NUP160: variants seen among roughly 807,000 people sequenced by gnomAD.
NUP160 encodes nucleoporin 160, also known as nuclear pore complex protein Nup160.
A neutral mutation model predicts 196.9 loss-of-function variants in NUP160; 94 were observed. The observed-to-expected ratio is 0.48, with a 90% CI of 0.40 to 0.57. The LOEUF is 0.57. Ranked by LOEUF, NUP160 falls within the 20% of genes least tolerant of loss-of-function variation. The probability of loss-of-function intolerance (pLI) is 0.00; values close to 1 mark genes in which losing one functional copy is unlikely to be tolerated. For missense variants in NUP160, 1,638 were observed against 1,748.3 expected (o/e 0.94, Z 1.13); for synonymous variants, 605 against 619.7 (o/e 0.98, Z 0.35).
At chr11:47,783,571 A>G (rs896408162) in intron 33 of NUP160, among the ~76,000 whole-genome samples, 4 of 152,206 alleles carry the variant, frequency 2.6e-5, no homozygotes, top group African/African-American at 9.7e-5. Context: ...ATAATAAGAA[A>G]TATATGAATG....
At chr11:47,780,475 A>G in intron 34 of NUP160, 28 bp from the exon 35 acceptor site, 2 of 1,432,362 alleles carry the variant, frequency 1.4e-6, no homozygotes, top group Admixed American at 1.7e-5. Flanking sequence ...ATTTGAAAAC[A>G]GTCTGCAAAG....
chr11:47,813,186 T>A, intron 14 of NUP160, 130 bp downstream of exon 14: 3 of 969,560 alleles, frequency 3.1e-6, no homozygotes, highest in Non-Finnish European at 4.7e-6. Context: ...TAAGTGTTCA[T>A]TAAAATATTT....
intron 27 of NUP160, among the ~76,000 whole-genome samples, chr11:47,796,782 T>C (rs978982607): frequency 6.6e-6 from 1 of 152,180 alleles, no homozygotes; most frequent in Non-Finnish European, 1.5e-5. Context: ...AGTGACATGA[T>C]TTTGGCTCAC....
chr11:47,783,440 T>C (rs1293572225), intron 33 of NUP160, among the ~76,000 whole-genome samples: 1 of 152,204 alleles, frequency 6.6e-6, no homozygotes, highest in Non-Finnish European at 1.5e-5. Context: ...CCCTTATCTG[T>C]TAAATAGCCT....
rs747526164 is a variant in NUP160, at chr11:47,824,048, TATATAC to T, written c.1102-1890_1102-1885del. Among the ~76,000 whole-genome samples the T allele has an allele frequency of 9.1e-3, 922 of 100,980 alleles. 13 individuals are homozygous for T. The highest frequency in any genetic ancestry group is 0.018 in the African/African-American group (456 of 25,200). The allele number at this position is 100,980 out of a possible 152,430, so 66.2% of individuals were successfully genotyped here. On this transcript the variant is annotated intron_variant, in intron 7 of 35. Coordinates refer to ENST00000378460, the Ensembl canonical transcript of NUP160. ...ATATATATATATATATATATATATA[TATATAC>T]ACACACACATAGAAGTGGAATTTCT... is the stretch of plus-strand genomic sequence containing the variant.
intron 32 of NUP160, 84 bp downstream of exon 32, chr11:47,786,369 C>T: frequency 1.3e-6 from 1 of 772,014 alleles, no homozygotes; most frequent in African/African-American, 1.7e-5. Flanking sequence ...GTGAAATGAT[C>T]TATGTAGGAC....
At chr11:47,809,384 G>A (rs2135371990) in intron 17 of NUP160, among the ~76,000 whole-genome samples, 1 of 151,562 alleles carries the variant, frequency 6.6e-6, no homozygotes, top group Admixed American at 6.6e-5. Flanking sequence ...ACTACCAAAA[G>A]CCTTAAAATG....
intron 2 of NUP160, chr11:47,841,717 GGTCTCACTCT>G (rs1345378664): frequency 3.8e-6 from 1 of 260,982 alleles, no homozygotes; most frequent in Non-Finnish European, 7.6e-6. Context: ...TTTGAGACAG[GGTCTCACTCT>G]GTCAGGCTGG....
At chr11:47,848,499 A>T (rs1852454719), upstream of NUP160, 1 of 1,164,686 alleles carries the variant, frequency 8.6e-7, no homozygotes, top group Non-Finnish European at 1.2e-6. Context: ...CGAGGAATCC[A>T]GAAGAGAAGG....
chr11:47,826,356 G>C (rs1314114237), intron 7 of NUP160, among the ~76,000 whole-genome samples: 2 of 152,138 alleles, frequency 1.3e-5, no homozygotes. Flanking sequence ...TTACATAGCT[G>C]TCAAAAAAGT....
chr11:47,804,552 C>A, exon 21 of NUP160: 1 of 1,532,876 alleles, frequency 6.5e-7, no homozygotes, highest in South Asian at 1.3e-5. Flanking sequence ...AACTCACCTG[C>A]AATTGTACAT....
At chr11:47,810,966 G>A (rs1384274347) in intron 17 of NUP160, among the ~76,000 whole-genome samples, 2 of 152,152 alleles carry the variant, frequency 1.3e-5, no homozygotes, top group African/African-American at 4.8e-5. Flanking sequence ...GGTTTAATTA[G>A]ATTCCTTCTT....
intron 23 of NUP160, 142 bp downstream of exon 23, chr11:47,801,669 A>T: frequency 1.3e-6 from 1 of 791,032 alleles, no homozygotes; most frequent in Non-Finnish European, 2.0e-6. Context: ...TAATTTCTCT[A>T]GGCAAATTCA....
intron 7 of NUP160, among the ~76,000 whole-genome samples, chr11:47,833,223 G>A (rs1260348983): frequency 1.3e-5 from 2 of 152,166 alleles, no homozygotes; most frequent in East Asian, 3.8e-4. Flanking sequence ...GGAGGCTGAG[G>A]CGGGTGGATC....
At chr11:47,788,817 G>A (rs138419874) in intron 29 of NUP160, among the ~76,000 whole-genome samples, 1 of 151,624 alleles carries the variant, frequency 6.6e-6, no homozygotes, top group Admixed American at 6.6e-5. Flanking sequence ...TATTTTAACC[G>A]ACTGCAGTTG....
chr11:47,779,236 A>G (rs1197422000), intron 35 of NUP160, 42 bp from the exon 36 acceptor site: 1 of 1,281,954 alleles, frequency 7.8e-7, no homozygotes. Flanking sequence ...ACAGCTCAAC[A>G]ATGGAAAAAT....
chr11:47,808,409 G>A (rs370248184), exon 18 of NUP160: 1 of 1,612,604 alleles, frequency 6.2e-7, no homozygotes, highest in African/African-American at 1.3e-5. Flanking sequence ...GTGTCAAGTG[G>A]AACATCAGTT....
At chr11:47,830,502 A>G (rs1286277688) in intron 7 of NUP160, among the ~76,000 whole-genome samples, 1 of 152,248 alleles carries the variant, frequency 6.6e-6, no homozygotes, top group Non-Finnish European at 1.5e-5. Flanking sequence ...CATGGTACAT[A>G]TATATCATGG....
chr11:47,813,376 G>A, exon 14 of NUP160: 1 of 1,612,394 alleles, frequency 6.2e-7, no homozygotes. Flanking sequence ...AGATACAAAT[G>A]ATCCACTAAG....
Sources: gnomAD v4.1 joint callset for allele counts (sites outside exome capture counted in the v4.1 genomes callset) on GRCh38, gnomAD v4.1.1 for gene constraint, MANE v1.5 for transcripts, NCBI Gene and HGNC (gene_info 2026-07-23, HGNC 2026-07-21) for gene names.